The following SLC44A5 variants were observed in gnomAD, a reference collection of about 807,000 sequenced individuals.
SLC44A5 encodes choline transporter-like protein 5.
Under a neutral mutation model 101.8 loss-of-function variants are expected in SLC44A5, and 57 were observed. The ratio of observed to expected loss-of-function variants is 0.56; its 90% CI spans 0.45 to 0.70. The LOEUF is 0.70. SLC44A5 is among the 30% of genes least tolerant of loss of function. SLC44A5 has a pLI of 0.00. For synonymous variants in SLC44A5, 281 were observed against 290.9 expected, an observed-to-expected ratio of 0.97 and a Z score of 0.35; for missense variants, 737 against 853.1, an observed-to-expected ratio of 0.86 and a Z score of 1.70.
intron 1 of SLC44A5, among the ~76,000 whole-genome samples, chr1:75,581,212 A>C (rs6672008): frequency 0.097 from 14,832 of 152,290 alleles, 1,208 homozygotes; most frequent in African/African-American, 0.22. Flanking sequence ...CATTCACATT[A>C]GTAGACAAAA....
chr1:75,209,087 A>G (rs1198161603), intron 23 of SLC44A5, among the ~76,000 whole-genome samples: 1 of 152,218 alleles, frequency 6.6e-6, no homozygotes, highest in African/African-American at 2.4e-5. Context: ...CTTTGTTATC[A>G]CAGACAAGTG....
At chr1:75,704,580 T>C in the SLC44A5 span, among the ~76,000 whole-genome samples, 17 of 152,232 alleles carry the variant, frequency 1.1e-4, no homozygotes, top group African/African-American at 3.9e-4. Context: ...AGTTATGGTT[T>C]CAATGCTGTT....
At chr1:75,477,065 A>G (rs12081991) in intron 2 of SLC44A5, among the ~76,000 whole-genome samples, 39,138 of 152,058 alleles carry the variant, frequency 0.26, 6,704 homozygotes, top group African/African-American at 0.49. Context: ...ACTTCCAGAG[A>G]AACGATCAGA....
chr1:75,498,434 T>C (rs1478016836), intron 2 of SLC44A5, among the ~76,000 whole-genome samples: 2 of 152,176 alleles, frequency 1.3e-5, no homozygotes, highest in African/African-American at 4.8e-5. Flanking sequence ...CATAATTTCC[T>C]TTTTACAAAT....
At chr1:75,350,834 C>A (rs1570745169) in intron 3 of SLC44A5, among the ~76,000 whole-genome samples, 1 of 141,372 alleles carries the variant, frequency 7.1e-6, no homozygotes, top group Non-Finnish European at 1.5e-5. Context: ...GTGAAGGTTG[C>A]AGTGAACCAA....
At chr1:75,721,829 C>T in the SLC44A5 span, among the ~76,000 whole-genome samples, 167 of 152,204 alleles carry the variant, frequency 1.1e-3, 1 homozygote, top group Admixed American at 1.9e-3. Flanking sequence ...TTAAAAGAAG[C>T]CAAAGAAAGT....
chr1:75,714,690 T>G, the SLC44A5 span, among the ~76,000 whole-genome samples: 73 of 152,294 alleles, frequency 4.8e-4, 1 homozygote, highest in East Asian at 0.012. Flanking sequence ...TATTTTCTTT[T>G]TTTTGAGACG....
intron 1 of SLC44A5, among the ~76,000 whole-genome samples, 168 bp downstream of exon 1, chr1:75,610,872 A>T (rs1391118324): frequency 6.6e-6 from 1 of 152,018 alleles, no homozygotes; most frequent in Non-Finnish European, 1.5e-5. Flanking sequence ...ATACACACAC[A>T]CACACGGAGA....
intron 3 of SLC44A5, among the ~76,000 whole-genome samples, chr1:75,353,029 G>C (rs1291265193): frequency 2.0e-5 from 3 of 151,830 alleles, no homozygotes; most frequent in African/African-American, 7.3e-5. Context: ...TCTATTTTTG[G>C]CTTTATATAG....
chr1:75,698,252 T>C, the SLC44A5 span, among the ~76,000 whole-genome samples: 1 of 152,212 alleles, frequency 6.6e-6, no homozygotes, highest in East Asian at 1.9e-4. Context: ...TAAATGTCCC[T>C]GTCTGACAGC....
At chr1:75,597,500 C>T (rs1376655199) in intron 1 of SLC44A5, among the ~76,000 whole-genome samples, 2 of 151,912 alleles carry the variant, frequency 1.3e-5, no homozygotes, top group Non-Finnish European at 2.9e-5. Flanking sequence ...GGCAATCATA[C>T]ACAAAAAGAG....
chr1:75,259,435 T>G (rs1009355137), intron 6 of SLC44A5, among the ~76,000 whole-genome samples: 2 of 151,938 alleles, frequency 1.3e-5, no homozygotes, highest in African/African-American at 4.8e-5. Flanking sequence ...TGTCAGAGAT[T>G]GAAGATCAAC....
chr1:75,234,033 C>T lies in SLC44A5; in HGVS notation c.806G>A (p.Cys269Tyr). ...ACCAATCATGAAGACCCAGAAGAGG[C>T]ATCCAGCTATGAACCTCAGAAGTAT... Reference protein sequence around the residue: ...FLILLRFIAGCLFWVFMIGVI... With the variant: ...FLILLRFIAGYLFWVFMIGVI... The change falls in exon 12 of 24, where the codon TGC becomes TAC. Residue 269 changes from cysteine (C) to tyrosine (Y), a missense_variant. By Grantham distance (194) the Cys-to-Tyr change is radical. Around this residue, in one of 3 missense-constraint regions of SLC44A5, gnomAD observed 665 missense variants for 764.4 expected, o/e 0.87. Coordinates refer to ENST00000370859, the MANE Select transcript of SLC44A5 (RefSeq NM_001130058.2). 6.2e-7 allele frequency: 1 copy of T among 1,613,498 alleles called. No homozygotes were observed. The highest frequency in any genetic ancestry group is 1.1e-5 in the South Asian group (1 of 91,056).
At chr1:75,264,720 A>C (rs565275785) in intron 6 of SLC44A5, among the ~76,000 whole-genome samples, 93 of 152,188 alleles carry the variant, frequency 6.1e-4, no homozygotes, top group Non-Finnish European at 1.2e-3. Context: ...ATGCACCTCA[A>C]GGAACTAGAA....
At chr1:75,265,947 A>G (rs1650948211) in intron 6 of SLC44A5, among the ~76,000 whole-genome samples, 1 of 152,166 alleles carries the variant, frequency 6.6e-6, no homozygotes, top group South Asian at 2.1e-4. Context: ...GTCTGTACCT[A>G]AGTGTCATGA....
At chr1:75,691,261 AT>A in the SLC44A5 span, among the ~76,000 whole-genome samples, 4 of 152,198 alleles carry the variant, frequency 2.6e-5, no homozygotes, top group African/African-American at 7.2e-5. Context: ...TATTTGTTAA[AT>A]TTGACAGGTC....
At chr1:75,570,919 T>C (rs958220356) in intron 1 of SLC44A5, among the ~76,000 whole-genome samples, 2 of 152,268 alleles carry the variant, frequency 1.3e-5, no homozygotes, top group East Asian at 3.9e-4. Flanking sequence ...GCCCTAGTCA[T>C]GAAGCAAAAG....
chr1:75,242,040 C>T lies in SLC44A5; in HGVS notation c.493G>A (p.Asp165Asn). The change falls in exon 9 of 24, where the codon GAT (aspartate) becomes AAT (asparagine). Residue 165 changes from aspartate to asparagine, a missense_variant. Asp to Asn is a conservative substitution (Grantham distance 23). Around this residue, in one of 3 missense-constraint regions of SLC44A5, gnomAD observed 665 missense variants for 764.4 expected, o/e 0.87. Coordinates refer to ENST00000370859, the MANE Select transcript of SLC44A5 (RefSeq NM_001130058.2). ...AAAATCGCTGTTGGACAATCATCAT[C>T]CAGTAAAAGCTGTGTGAGAGACTAA... The part of the protein sequence containing the change: ...PVKSLTQLLL[D>N]DDCPTAIFPS... The T allele has an allele frequency of 6.2e-7, 1 of 1,612,238 alleles. No homozygotes were observed. The highest frequency in any genetic ancestry group is 1.3e-5 in the African/African-American group (1 of 74,896).
the SLC44A5 span, among the ~76,000 whole-genome samples, chr1:75,660,336 A>G: frequency 6.6e-6 from 1 of 152,208 alleles, no homozygotes; most frequent in Non-Finnish European, 1.5e-5. Context: ...CATATCTCAA[A>G]AAAATAAAGA....
Sources: allele counts gnomAD v4.1 joint callset (sites outside exome capture counted in the v4.1 genomes callset), GRCh38; gene constraint gnomAD v4.1.1; regional missense constraint gnomAD v4.1.1; transcripts MANE v1.5; gene names NCBI Gene and HGNC (gene_info 2026-07-23, HGNC 2026-07-21).